ASTN2: variants seen among roughly 807,000 people sequenced by gnomAD.
ASTN2 encodes astrotactin-2.
A neutral mutation model predicts 139.8 loss-of-function variants in ASTN2; 54 were observed. That is an observed-to-expected ratio of 0.39 (90% confidence interval 0.31 to 0.48). The LOEUF is 0.48. Ranked by LOEUF, ASTN2 falls within the 20% of genes least tolerant of loss-of-function variation. ASTN2 has a pLI of 0.95. For missense variants in ASTN2, 1,565 were observed against 1,725.1 expected (o/e 0.91, Z 1.64); for synonymous variants, 756 against 719.5 (o/e 1.05, Z -0.81).
At chr9:116,854,172 C>T (rs1832679799) in intron 11 of ASTN2, among the ~76,000 whole-genome samples, 1 of 152,136 alleles carries the variant, frequency 6.6e-6, no homozygotes, top group Non-Finnish European at 1.5e-5. Context: ...ATGAGATCCA[C>T]CTCAGAAGCC....
chr9:116,561,529 C>T (rs1852914767), intron 19 of ASTN2, among the ~76,000 whole-genome samples: 1 of 152,108 alleles, frequency 6.6e-6, no homozygotes. Context: ...CACAAATTTA[C>T]ACCAAGGAGA....
In ASTN2 at chr9:116,697,763, T is replaced by A; in HGVS notation, c.2806+28008A>T. 6.2e-7 allele frequency: 1 copy of A among 1,614,116 alleles called. No homozygotes were observed. Among genetic ancestry groups the A allele is most frequent in the Non-Finnish European group, 8.5e-7 (1 of 1,180,038 alleles). ...GAGCAATGGCTGCAGCAGCAGCTTC[T>A]CACCTGAACCTGGATGCCCTCCGGG... On this transcript the variant is annotated intron_variant, in intron 16 of 22. Coordinates refer to ENST00000313400, the MANE Select transcript of ASTN2 (RefSeq NM_001365068.1).
chr9:116,703,287 G>A (rs1827898193), intron 16 of ASTN2, among the ~76,000 whole-genome samples: 1 of 150,376 alleles, frequency 6.6e-6, no homozygotes, highest in South Asian at 2.1e-4. Context: ...CTTTTGAGAA[G>A]TGTCTGTTCA....
At chr9:116,498,707 G>A (rs978225140) in intron 19 of ASTN2, among the ~76,000 whole-genome samples, 1 of 152,142 alleles carries the variant, frequency 6.6e-6, no homozygotes, top group Non-Finnish European at 1.5e-5. Context: ...TATGTCAGTA[G>A]ATGTTGCTAA....
intron 1 of ASTN2, among the ~76,000 whole-genome samples, chr9:117,298,072 T>C (rs1834779922): frequency 6.6e-6 from 1 of 152,126 alleles, no homozygotes; most frequent in Non-Finnish European, 1.5e-5. Flanking sequence ...AGGATGAAAT[T>C]TCTAACTTGT....
intron 1 of ASTN2, among the ~76,000 whole-genome samples, chr9:117,302,413 G>A (rs1834899370): frequency 6.6e-6 from 1 of 152,110 alleles, no homozygotes; most frequent in African/African-American, 2.4e-5. Context: ...TCATTGTTTA[G>A]AAGAACAACG....
chr9:116,666,747 T>TA (rs35676401), intron 16 of ASTN2, among the ~76,000 whole-genome samples: 4 of 151,914 alleles, frequency 2.6e-5, no homozygotes, highest in African/African-American at 7.2e-5. Flanking sequence ...GGTGAATCCC[T>TA]AAAAAAGAGA....
chr9:117,386,496 C>T (rs969629381), intron 1 of ASTN2, among the ~76,000 whole-genome samples: 1 of 152,160 alleles, frequency 6.6e-6, no homozygotes, highest in Non-Finnish European at 1.5e-5. Context: ...AGCCTTAATA[C>T]ACCTCAGGAG....
intron 2 of ASTN2, among the ~76,000 whole-genome samples, chr9:117,269,562 C>T (rs1480503433): frequency 6.6e-6 from 1 of 152,114 alleles, no homozygotes; most frequent in Non-Finnish European, 1.5e-5. Flanking sequence ...AAACATGGGC[C>T]TTATTTGTTT....
intron 1 of ASTN2, among the ~76,000 whole-genome samples, chr9:117,320,060 G>A (rs1828280385): frequency 6.6e-6 from 1 of 152,160 alleles, no homozygotes; most frequent in African/African-American, 2.4e-5. Context: ...TCACAGGGTA[G>A]CAAAGTCAAA....
chr9:116,984,959 C>T (rs1414462416), intron 7 of ASTN2, among the ~76,000 whole-genome samples: 2 of 152,130 alleles, frequency 1.3e-5, no homozygotes, highest in African/African-American at 4.8e-5. Context: ...CTTGGGGGAA[C>T]AGAGGGTTGG....
At chr9:116,623,676 C>A (rs574494107) in intron 17 of ASTN2, among the ~76,000 whole-genome samples, 4 of 152,300 alleles carry the variant, frequency 2.6e-5, no homozygotes, top group African/African-American at 9.6e-5. Context: ...AGAACAACTT[C>A]ACGATGAAAC....
At chr9:116,439,632 T>C (rs936620450) in intron 22 of ASTN2, among the ~76,000 whole-genome samples, 9 of 152,194 alleles carry the variant, frequency 5.9e-5, no homozygotes, top group African/African-American at 1.7e-4. Context: ...TCCACTGTCA[T>C]GTAACATTTT....
In ASTN2 at chr9:116,863,659, C is replaced by A. The variant is rs1374233153; in HGVS notation, c.1964G>T (p.Cys655Phe). 6.2e-7 allele frequency: 1 copy of A among 1,614,192 alleles called. No homozygotes were observed. The highest frequency in any genetic ancestry group is 8.5e-7 in the Non-Finnish European group (1 of 1,180,032). Residue 655 changes from cysteine (C) to phenylalanine (F), a missense_variant, in exon 11 of 23, where the codon TGC becomes TTC. Physicochemically the swap from Cys to Phe is radical, Grantham distance 205. Transcript: ENST00000313400. ...AGTGCAGCCCCCATTGTTCCGAGAG[C>A]AGTCACGAACTGGCCCGAAGGAAGA... ...LLSSFGPVRD[C>F]SRNNGGCTRN...
intron 1 of ASTN2, among the ~76,000 whole-genome samples, chr9:117,296,138 C>T (rs1288104588): frequency 2.0e-5 from 3 of 151,734 alleles, no homozygotes; most frequent in African/African-American, 7.3e-5. Context: ...ATTAGCCAGG[C>T]ATGGTGGCAT....
intron 10 of ASTN2, among the ~76,000 whole-genome samples, chr9:116,942,754 T>C (rs1835276492): frequency 6.6e-6 from 1 of 152,168 alleles, no homozygotes; most frequent in Admixed American, 6.5e-5. Flanking sequence ...GACTTTCAGA[T>C]GAGGAAGATT....
intron 16 of ASTN2, among the ~76,000 whole-genome samples, chr9:116,715,211 A>G (rs947989036): frequency 6.6e-6 from 1 of 151,678 alleles, no homozygotes; most frequent in African/African-American, 2.4e-5. Context: ...GGCATTGGAG[A>G]TTCAGTCTTT....
At chr9:117,108,438 A>AACACACACACGCACAC (rs1554779233) in intron 4 of ASTN2, among the ~76,000 whole-genome samples, 3 of 145,234 alleles carry the variant, frequency 2.1e-5, no homozygotes, top group Admixed American at 6.9e-5. Flanking sequence ...AACAAAACAA[A>AACACACACACGCACAC]ACACACACAC....
chr9:116,962,842 G>C (rs889094435), intron 10 of ASTN2, among the ~76,000 whole-genome samples: 52 of 152,266 alleles, frequency 3.4e-4, no homozygotes, highest in African/African-American at 1.3e-3. Flanking sequence ...TATAGGTAAG[G>C]GGATTGAATG....
Sources: gnomAD v4.1 joint callset for allele counts (sites outside exome capture counted in the v4.1 genomes callset) on GRCh38, gnomAD v4.1.1 for gene constraint, MANE v1.5 for transcripts, NCBI Gene and HGNC (gene_info 2026-07-23, HGNC 2026-07-21) for gene names.